The following NCKAP5 variants were observed in gnomAD, a reference collection of about 807,000 sequenced individuals.
NCKAP5 encodes nck-associated protein 5.
In NCKAP5, 92 loss-of-function variants were observed where a neutral mutation model predicts 167.0. That is an observed-to-expected ratio of 0.55 (90% CI 0.47 to 0.66). The LOEUF (loss-of-function observed/expected upper bound fraction) is 0.66. Among genes scored for constraint, NCKAP5 ranks in the 30% least tolerant of loss-of-function variants. NCKAP5 has a pLI of 0.00. For synonymous variants in NCKAP5, 891 were observed against 877.4 expected (o/e 1.02, Z -0.27); for missense variants, 2,378 against 2,315.0 (o/e 1.03, Z -0.56).
At chr2:133,018,199 T>A (rs993224090) in intron 6 of NCKAP5, among the ~76,000 whole-genome samples, 1 of 152,198 alleles carries the variant, frequency 6.6e-6, no homozygotes, top group Non-Finnish European at 1.5e-5. Context: ...CAACCCACCA[T>A]GCAACCTGGG....
intron 3 of NCKAP5, among the ~76,000 whole-genome samples, chr2:133,375,592 C>A (rs564502720): frequency 6.6e-6 from 1 of 152,264 alleles, no homozygotes; most frequent in Admixed American, 6.5e-5. Context: ...CTCTCTCCTC[C>A]CACCCTCTGC....
At chr2:133,650,885 T>A in the NCKAP5 span, among the ~76,000 whole-genome samples, 1 of 151,652 alleles carries the variant, frequency 6.6e-6, no homozygotes, top group Non-Finnish European at 1.5e-5. Context: ...CTGTCTTAAA[T>A]AAACAAACAA....
intron 6 of NCKAP5, among the ~76,000 whole-genome samples, chr2:133,072,267 G>A (rs936215787): frequency 6.6e-6 from 1 of 152,042 alleles, no homozygotes; most frequent in Non-Finnish European, 1.5e-5. Flanking sequence ...TGTATTTTTA[G>A]TAGAGATGGG....
chr2:133,330,265 T>TTTTTG, intron 3 of NCKAP5, among the ~76,000 whole-genome samples: 1 of 141,342 alleles, frequency 7.1e-6, no homozygotes, highest in Non-Finnish European at 1.5e-5. Flanking sequence ...TTTTTTTTTT[T>TTTTTG]GTAGAGATGG....
intron 6 of NCKAP5, among the ~76,000 whole-genome samples, chr2:133,049,267 T>C (rs1255817679): frequency 6.6e-6 from 1 of 152,150 alleles, no homozygotes; most frequent in Non-Finnish European, 1.5e-5. Flanking sequence ...ACAGGCTGCC[T>C]GGGCACGGTG....
Position 132,684,670 on chromosome 2 carries a change from G to A in NCKAP5, c.5714-11365C>T, listed in dbSNP as rs186469786. On this transcript the variant is annotated intron_variant, in intron 19 of 19. Coordinates refer to ENST00000409261, the MANE Select transcript of NCKAP5 (RefSeq NM_207363.3). ...TCTATGTAATAATACCATTCGGAGT[G>A]GCTAAGCAGTCCCCTTCCCCTACAA... Among the ~76,000 whole-genome samples, 15 of 152,246 alleles carry A rather than the reference G, an allele frequency of 9.9e-5. No homozygotes were observed. In the East Asian group the frequency reaches 2.9e-3, roughly 29 times the overall value.
At chr2:133,619,582 C>G in the NCKAP5 span, among the ~76,000 whole-genome samples, 2 of 151,950 alleles carry the variant, frequency 1.3e-5, no homozygotes, top group Non-Finnish European at 2.9e-5. Context: ...CTCCAAGAAG[C>G]TTGGGACTTT....
chr2:133,444,157 G>A (rs936872274), intron 3 of NCKAP5, among the ~76,000 whole-genome samples: 5 of 152,062 alleles, frequency 3.3e-5, no homozygotes, highest in Non-Finnish European at 7.4e-5. Flanking sequence ...CCAGTGGTAT[G>A]TCCCATTCTT....
At chr2:132,916,649 T>C (rs1320190693) in intron 8 of NCKAP5, among the ~76,000 whole-genome samples, 1 of 152,086 alleles carries the variant, frequency 6.6e-6, no homozygotes, top group African/African-American at 2.4e-5. Flanking sequence ...TTAAAGTTTA[T>C]ATTAAAATGT....
At chr2:132,744,645 AAC>A (rs979810704) in intron 16 of NCKAP5, among the ~76,000 whole-genome samples, 7 of 150,378 alleles carry the variant, frequency 4.7e-5, no homozygotes, top group Non-Finnish European at 1.0e-4. Flanking sequence ...TAAAAAAAAA[AAC>A]AATTTAAAAA....
intron 16 of NCKAP5, among the ~76,000 whole-genome samples, chr2:132,737,191 C>T (rs1044097828): frequency 6.6e-6 from 1 of 152,206 alleles, no homozygotes; most frequent in Non-Finnish European, 1.5e-5. Flanking sequence ...GCTGAACAAG[C>T]TCCATCTCGG....
chr2:132,995,303 T>C (rs192032260), intron 6 of NCKAP5, among the ~76,000 whole-genome samples: 2 of 152,346 alleles, frequency 1.3e-5, no homozygotes, highest in African/African-American at 4.8e-5. Flanking sequence ...GTATAAGTTA[T>C]ATAAAATATT....
chr2:132,983,397 G>A (rs1418563368), intron 7 of NCKAP5, among the ~76,000 whole-genome samples: 3 of 152,104 alleles, frequency 2.0e-5, no homozygotes, highest in African/African-American at 7.2e-5. Flanking sequence ...GTTCTCAGAG[G>A]GATGCTTCCA....
chr2:133,101,717 G>A (rs560447813), intron 6 of NCKAP5, among the ~76,000 whole-genome samples: 1 of 152,272 alleles, frequency 6.6e-6, no homozygotes, highest in East Asian at 1.9e-4. Context: ...CAAATTCTGA[G>A]GCAGGTAGAA....
intron 3 of NCKAP5, among the ~76,000 whole-genome samples, chr2:133,464,061 A>G (rs1692374195): frequency 6.6e-6 from 1 of 152,160 alleles, no homozygotes; most frequent in African/African-American, 2.4e-5. Context: ...GGGAGCCTGC[A>G]TGCCCCAACT....
chr2:132,960,362 A>G lies in NCKAP5; in HGVS notation c.579+3358T>C, dbSNP rs145989640. On this transcript the variant is annotated intron_variant, in intron 8 of 19. Transcript: ENST00000409261. ...TGAGGGAGAGGAGAGTAAGTGGGAC[A>G]GAGCTGGCCACGTTCTAAGGCGGGA... Among the ~76,000 whole-genome samples the G allele has an allele frequency of 4.5e-3, 686 of 152,244 alleles. 5 individuals carry two copies. The highest frequency in any genetic ancestry group is 0.016 in the African/African-American group (663 of 41,548).
At chr2:133,043,045 C>T (rs889586728) in intron 6 of NCKAP5, among the ~76,000 whole-genome samples, 1 of 152,136 alleles carries the variant, frequency 6.6e-6, no homozygotes, top group Non-Finnish European at 1.5e-5. Context: ...CACAGAAAGA[C>T]CTGCCTTCCA....
chr2:133,563,308 C>T (rs764517319), intron 1 of NCKAP5, among the ~76,000 whole-genome samples: 7 of 152,266 alleles, frequency 4.6e-5, no homozygotes, highest in Non-Finnish European at 8.8e-5. Context: ...CAGTGGCTCA[C>T]GCCTGTAACC....
chr2:133,397,071 T>G (rs954572636), intron 3 of NCKAP5, among the ~76,000 whole-genome samples: 2 of 152,236 alleles, frequency 1.3e-5, no homozygotes, highest in African/African-American at 4.8e-5. Context: ...AGGTTTGAAC[T>G]TTCTTCTAAT....
Sources: allele counts gnomAD v4.1 joint callset (sites outside exome capture counted in the v4.1 genomes callset), GRCh38; gene constraint gnomAD v4.1.1; transcripts MANE v1.5; gene names NCBI Gene and HGNC (gene_info 2026-07-23, HGNC 2026-07-21).